The following USP6NL variants were observed in gnomAD, a reference collection of about 807,000 sequenced individuals.
USP6NL encodes USP6 N-terminal like, also known as USP6 N-terminal-like protein.
USP6NL carries 26 observed loss-of-function variants against 61.9 expected under a neutral mutation model. That is an observed-to-expected ratio of 0.42 (90% CI 0.31 to 0.58). The LOEUF (loss-of-function observed/expected upper bound fraction) is 0.58. Among genes scored for constraint, USP6NL ranks in the 20% least tolerant of loss-of-function variants. The pLI is 0.16. For missense variants in USP6NL, 1,114 were observed against 1,034.3 expected (o/e 1.08, Z -1.06); for synonymous variants, 432 against 390.1 (o/e 1.11, Z -1.27).
chr10:11,485,761 C>A lies in USP6NL; in HGVS notation c.759+56G>T. ...TTGGACCAAAGACAATTTAATTATCCCAGCTTTTTTTGGGGGGTGGGTAGG... is the reference window on the plus strand; with the variant it reads ...TTGGACCAAAGACAATTTAATTATCACAGCTTTTTTTGGGGGGTGGGTAGG... On this transcript the variant is annotated intron_variant, in intron 11 of 14. Coordinates refer to ENST00000609104, the MANE Select transcript of USP6NL (RefSeq NM_014688.5). This position sits in a 1 kb window ranked among gnomAD's most constrained non-coding sequence, Gnocchi z 4.8. The A allele has an allele frequency of 8.4e-7, 1 of 1,187,030 alleles. No homozygotes were observed. The highest frequency in any genetic ancestry group is 1.4e-5 in the South Asian group (1 of 69,152). The allele number at this position is 1,187,030 out of a possible 1,614,324, so 73.5% of individuals were successfully genotyped here.
intron 2 of USP6NL, among the ~76,000 whole-genome samples, chr10:11,555,451 T>TATAGAG (rs1427219382): frequency 1.5e-4 from 9 of 61,002 alleles, no homozygotes; most frequent in East Asian, 1.9e-3. Flanking sequence ...TATATATATA[T>TATAGAG]AGAGAGAGAG....
rs1407043218 is a variant in USP6NL, at chr10:11,587,899, T to A, written c.4+9732A>T. Among the ~76,000 whole-genome samples, 1 of 152,236 alleles carries A rather than the reference T, an allele frequency of 6.6e-6. No individual in the cohort carries two copies. On this transcript the variant is annotated intron_variant, in intron 2 of 14. Transcript: ENST00000609104. This position sits in a 1 kb window ranked among gnomAD's most constrained non-coding sequence, Gnocchi z 4.5. ...ACTAGTAAAGCAGAACAATAAATCC[T>A]GTACTTATGCAAGAGATTTGAATCC... is the stretch of plus-strand genomic sequence containing the variant.
chr10:11,479,116 C>A (rs11257119), intron 14 of USP6NL, among the ~76,000 whole-genome samples: 23,661 of 152,044 alleles, frequency 0.16, 2,115 homozygotes, highest in South Asian at 0.21. Flanking sequence ...CCCATAAGCA[C>A]TGAAAACATA....
rs974215894 is a variant in USP6NL, at chr10:11,611,115, G to A, written c.-84+328C>T. 2.0e-5 allele frequency among the ~76,000 whole-genome samples: 3 copies of A among 152,090 alleles called. No individual in the cohort carries two copies. The highest frequency in any genetic ancestry group is 7.2e-5 in the African/African-American group (3 of 41,420). ...CGCGACCGAAACTTGCGAGGGAGACGCGCCTGGCCGGGATCGCGGCTCACT... is the reference window on the plus strand; with the variant it reads ...CGCGACCGAAACTTGCGAGGGAGACACGCCTGGCCGGGATCGCGGCTCACT... On this transcript the variant is annotated intron_variant, in intron 1 of 14. Coordinates refer to ENST00000609104, the MANE Select transcript of USP6NL (RefSeq NM_014688.5). This position sits in a 1 kb window ranked among gnomAD's most constrained non-coding sequence, Gnocchi z 5.3.
chr10:11,484,767 C>A (rs943177853), intron 13 of USP6NL, among the ~76,000 whole-genome samples: 1 of 152,116 alleles, frequency 6.6e-6, no homozygotes, highest in Non-Finnish European at 1.5e-5. Flanking sequence ...AACCAAAGAC[C>A]TTTGCAGTGA....
chr10:11,512,239 T>C (rs1456970184), intron 5 of USP6NL, among the ~76,000 whole-genome samples: 2 of 152,156 alleles, frequency 1.3e-5, no homozygotes, highest in African/African-American at 4.8e-5. Flanking sequence ...TCCGAAACTA[T>C]TTTCCCAAAC....
At chr10:11,466,536 C>A (rs959490289) in intron 14 of USP6NL, among the ~76,000 whole-genome samples, 2 of 152,132 alleles carry the variant, frequency 1.3e-5, no homozygotes, top group African/African-American at 4.8e-5. Context: ...TTTATAGATC[C>A]GCTATGAGGA....
At chr10:11,542,806 G>A (rs537047159) in intron 2 of USP6NL, among the ~76,000 whole-genome samples, 1 of 152,248 alleles carries the variant, frequency 6.6e-6, no homozygotes, top group South Asian at 2.1e-4. Flanking sequence ...TAAAAAGTCA[G>A]AGACCCCCAG....
At chr10:11,565,701 A>T (rs1837121324) in intron 2 of USP6NL, 1 of 152,004 alleles carries the variant, frequency 6.6e-6, no homozygotes, top group Non-Finnish European at 1.5e-5. Flanking sequence ...TGTGCATGTC[A>T]CCACAGCGTA....
chr10:11,519,798 A>G (rs1055074725), intron 4 of USP6NL, among the ~76,000 whole-genome samples: 11 of 152,234 alleles, frequency 7.2e-5, no homozygotes, highest in African/African-American at 2.4e-4. Context: ...AACTGTCAGT[A>G]ATATAAAAAC....
chr10:11,592,013 G>T lies in USP6NL; in HGVS notation c.4+5618C>A, dbSNP rs1050487604. On this transcript the variant is annotated intron_variant, in intron 2 of 14. Coordinates refer to ENST00000609104, the MANE Select transcript of USP6NL (RefSeq NM_014688.5). This position sits in a 1 kb window ranked among gnomAD's most constrained non-coding sequence, Gnocchi z 4.7. ...GCCTCCTGAGTAGCTGAAATTACCG[G>T]CACCCACCACCATGCCCAGCTAATT... Among the ~76,000 whole-genome samples the T allele has an allele frequency of 4.6e-5, 7 of 152,042 alleles. No individual in the cohort carries two copies. Among genetic ancestry groups the T allele is most frequent in the Non-Finnish European group, 5.9e-5 (4 of 68,016 alleles).
At position 11,574,571 on chromosome 10, in the gene USP6NL, A is replaced by G. The variant is rs1249184376; in HGVS notation, c.4+23060T>C. Among the ~76,000 whole-genome samples the G allele has an allele frequency of 6.6e-6, 1 of 152,268 alleles. No individual in the cohort carries two copies. The highest frequency in any genetic ancestry group is 2.4e-5 in the African/African-American group (1 of 41,474). On this transcript the variant is annotated intron_variant, in intron 2 of 14. Transcript: ENST00000609104. This position sits in a 1 kb window ranked among gnomAD's most constrained non-coding sequence, Gnocchi z 4.3. ...CTTCTCAAAGTAAACCTACAGAGTT[A>G]ACTAAAAGAGAAAAATGACACTCAG... is the stretch of plus-strand genomic sequence containing the variant.
At chr10:11,523,239 T>C (rs547520949) in intron 4 of USP6NL, among the ~76,000 whole-genome samples, 1 of 152,218 alleles carries the variant, frequency 6.6e-6, no homozygotes, top group Non-Finnish European at 1.5e-5. Context: ...ATGGCTGTAA[T>C]AGTTCAAACA....
intron 7 of USP6NL, 35 bp downstream of exon 7, chr10:11,501,066 A>G: frequency 6.8e-7 from 1 of 1,480,188 alleles, no homozygotes; most frequent in East Asian, 2.3e-5. Context: ...TTTACTTTTT[A>G]ATTTCAAAAT....
intron 2 of USP6NL, among the ~76,000 whole-genome samples, chr10:11,583,679 C>G (rs955789627): frequency 6.6e-6 from 1 of 152,116 alleles, no homozygotes; most frequent in Non-Finnish European, 1.5e-5. Context: ...TTCAACCAAC[C>G]TGGACCTACT....
At chr10:11,590,161 T>A (rs141254568) in intron 2 of USP6NL, among the ~76,000 whole-genome samples, 106 of 152,306 alleles carry the variant, frequency 7.0e-4, no homozygotes, top group Non-Finnish European at 1.3e-3. Context: ...TCACTCTATG[T>A]CCGACCTTTC....
Position 11,554,966 on chromosome 10 carries a change from A to ATTTTTT in USP6NL, c.5-27405_5-27400dup, listed in dbSNP as rs764342021. Among the ~76,000 whole-genome samples the ATTTTTT allele has an allele frequency of 5.4e-5, 6 of 111,846 alleles. No individual in the cohort carries two copies. In the East Asian group the frequency reaches 1.4e-3, roughly 27 times the overall value. 73.4% of individuals were successfully genotyped at this position (111,846 alleles called of 152,430 possible). A position where few individuals can be genotyped will look rare whatever the true frequency, so the allele number is the denominator to read the frequency against. On this transcript the variant is annotated intron_variant, in intron 2 of 14. Transcript: ENST00000609104. ...AGGTGCCTGCCACCATGCCCGGCTAATTTTTTTTTTTTTTTTTTTACTAGA... is the reference window on the plus strand; with the variant it reads ...AGGTGCCTGCCACCATGCCCGGCTAATTTTTTTTTTTTTTTTTTTTTTTTTACTAGA...
intron 13 of USP6NL, among the ~76,000 whole-genome samples, chr10:11,484,167 A>C (rs1833359887): frequency 6.6e-6 from 1 of 152,206 alleles, no homozygotes; most frequent in Non-Finnish European, 1.5e-5. Flanking sequence ...ATGTGGTATG[A>C]CCTGGATTAG....
rs1157927483 is a variant in USP6NL, at chr10:11,555,433, A to AATATATATAT, written c.5-27876_5-27867dup. 4.9e-4 allele frequency among the ~76,000 whole-genome samples: 24 copies of AATATATATAT among 48,998 alleles called. 1 individual carries two copies. The highest frequency in any genetic ancestry group is 7.5e-4 in the African/African-American group (8 of 10,614). 32.1% of individuals were successfully genotyped at this position (48,998 alleles called of 152,430 possible). A position where few individuals can be genotyped will look rare whatever the true frequency, so the allele number is the denominator to read the frequency against. On this transcript the variant is annotated intron_variant, in intron 2 of 14. Transcript: ENST00000609104. ...TCGGTCTTAAAAAAAAAAAAAAAAAAATATATATATATATATATAGAGAGA... is the reference window on the plus strand; with the variant it reads ...TCGGTCTTAAAAAAAAAAAAAAAAAAATATATATATATATATATATATATATATAGAGAGA...
Sources: gnomAD v4.1 joint callset for allele counts (sites outside exome capture counted in the v4.1 genomes callset) on GRCh38, gnomAD v4.1.1 for gene constraint, Gnocchi (gnomAD v3.1) non-coding constraint, MANE v1.5 for transcripts, NCBI Gene and HGNC (gene_info 2026-07-23, HGNC 2026-07-21) for gene names.